The following HDAC9 variants were observed in gnomAD, a reference collection of about 807,000 sequenced individuals.
HDAC9 encodes MEF-2 interacting transcription repressor (MITR) protein.
HDAC9 carries 41 observed loss-of-function variants against 139.4 expected under a neutral mutation model. The observed-to-expected ratio is 0.29, with a 90% CI of 0.23 to 0.38. The LOEUF (loss-of-function observed/expected upper bound fraction) is 0.38. Ranked by LOEUF, HDAC9 falls within the 10% of genes least tolerant of loss-of-function variation. HDAC9 has a pLI of 1.00. For synonymous variants in HDAC9, 517 were observed against 476.2 expected (o/e 1.09, Z -1.12); for missense variants, 1,147 against 1,297.0 (o/e 0.88, Z 1.78).
intron 24 of HDAC9, among the ~76,000 whole-genome samples, chr7:18,965,967 T>C (rs1461864230): frequency 6.6e-6 from 1 of 152,214 alleles, no homozygotes; most frequent in Non-Finnish European, 1.5e-5. Flanking sequence ...TCTTGGTTTA[T>C]GTCTGTTGTC....
intron 12 of HDAC9, among the ~76,000 whole-genome samples, chr7:18,703,839 C>G (rs1020738340): frequency 4.6e-5 from 7 of 152,022 alleles, no homozygotes; most frequent in Admixed American, 4.6e-4. Context: ...CAAGTGTGAA[C>G]TGGGTTGGCT....
At chr7:18,777,339 TG>T (rs2129168731) in intron 16 of HDAC9, among the ~76,000 whole-genome samples, 1 of 3,976 alleles carries the variant, frequency 2.5e-4, no homozygotes, top group East Asian at 0.026. Context: ...CCTTTGCAAG[TG>T]GGTTGGTTTT....
chr7:18,763,070 T>G (rs1173382564), intron 15 of HDAC9, among the ~76,000 whole-genome samples: 7 of 152,182 alleles, frequency 4.6e-5, no homozygotes, highest in Non-Finnish European at 1.0e-4. Context: ...TTTAAATGTT[T>G]TAACTAAAAA....
At chr7:18,481,115 A>G (rs1795514825) in intron 1 of HDAC9, among the ~76,000 whole-genome samples, 1 of 152,160 alleles carries the variant, frequency 6.6e-6, no homozygotes, top group South Asian at 2.1e-4. Context: ...GCTTCTGGCC[A>G]AGCTGAGCTG....
chr7:18,256,399 T>C (rs1303457371), intron 2 of HDAC9, among the ~76,000 whole-genome samples: 1 of 152,190 alleles, frequency 6.6e-6, no homozygotes, highest in Non-Finnish European at 1.5e-5. Context: ...GATTGGATTT[T>C]AGAGGAGCTA....
At chr7:18,543,028 T>C (rs375691734) in intron 2 of HDAC9, 14 of 152,250 alleles carry the variant, frequency 9.2e-5, no homozygotes, top group African/African-American at 3.1e-4. Context: ...ATGGTAATTC[T>C]TAGTTCAAAA....
chr7:18,484,920 A>G (rs940892399), intron 1 of HDAC9, among the ~76,000 whole-genome samples: 1 of 152,120 alleles, frequency 6.6e-6, no homozygotes, highest in Non-Finnish European at 1.5e-5. Context: ...AAAATAACTA[A>G]ACTTGGGTTC....
rs1389906492 is a variant in HDAC9 at position 18,263,465 on chromosome 7, C to T, written c.25+101116C>T. Among the ~76,000 whole-genome samples, 4 of 152,200 alleles carry T rather than the reference C, an allele frequency of 2.6e-5. No homozygotes were observed. In the East Asian group the frequency reaches 5.8e-4, roughly 22 times the overall value. ...AACCAAACATTTACTGACTCAGGCA[C>T]CTATTCTTGATTTCTGTTCACCTGT... On this transcript the variant is annotated intron_variant, in intron 2 of 12. Coordinates refer to the HDAC9 transcript ENST00000417496.
intron 2 of HDAC9, among the ~76,000 whole-genome samples, chr7:18,283,581 T>C (rs2128221137): frequency 6.6e-6 from 1 of 152,296 alleles, no homozygotes; most frequent in Non-Finnish European, 1.5e-5. Context: ...GCATAATAGG[T>C]TGTGAGTACC....
At chr7:18,117,238 A>G (rs1370479682) in intron 1 of HDAC9, among the ~76,000 whole-genome samples, 1 of 152,144 alleles carries the variant, frequency 6.6e-6, no homozygotes, top group Non-Finnish European at 1.5e-5. Flanking sequence ...TATCAATCCA[A>G]TATGACTGGT....
At chr7:18,967,502 C>CG (rs1388286735) in intron 24 of HDAC9, among the ~76,000 whole-genome samples, 1 of 137,400 alleles carries the variant, frequency 7.3e-6, no homozygotes, top group Non-Finnish European at 1.5e-5. Context: ...AGTTGCCCCC[C>CG]CCCCAAAAAA....
At chr7:18,224,512 G>T (rs149342242) in intron 2 of HDAC9, among the ~76,000 whole-genome samples, 1 of 152,174 alleles carries the variant, frequency 6.6e-6, no homozygotes, top group East Asian at 1.9e-4. Context: ...ATTAACCTCC[G>T]CAAACAGGTT....
chr7:18,853,230 A>G (rs1031545717), intron 21 of HDAC9, among the ~76,000 whole-genome samples: 6 of 152,168 alleles, frequency 3.9e-5, no homozygotes, highest in Non-Finnish European at 5.9e-5. Flanking sequence ...TAGTCTCCTT[A>G]AAAATATTAA....
chr7:18,314,978 A>G (rs1189826853), intron 1 of HDAC9, among the ~76,000 whole-genome samples: 1 of 152,210 alleles, frequency 6.6e-6, no homozygotes, highest in Non-Finnish European at 1.5e-5. Flanking sequence ...TCTGTCTTCA[A>G]TGGTTCGCAG....
intron 2 of HDAC9, among the ~76,000 whole-genome samples, chr7:18,556,625 G>C (rs1309200693): frequency 6.6e-6 from 1 of 151,988 alleles, no homozygotes; most frequent in Admixed American, 6.5e-5. Flanking sequence ...GAAGTCAGCA[G>C]CCAAATGCCA....
intron 2 of HDAC9, among the ~76,000 whole-genome samples, chr7:18,241,320 A>G (rs1794174656): frequency 6.6e-6 from 1 of 152,198 alleles, no homozygotes. Flanking sequence ...CTTCTTGGAA[A>G]TGCTCCATTA....
intron 8 of HDAC9, among the ~76,000 whole-genome samples, chr7:18,639,955 G>A (rs1294331613): frequency 1.3e-5 from 2 of 151,898 alleles, no homozygotes; most frequent in Non-Finnish European, 2.9e-5. Context: ...GCCAGACTTC[G>A]TTTCACAAGT....
intron 13 of HDAC9, among the ~76,000 whole-genome samples, chr7:18,739,897 G>A (rs967950790): frequency 6.6e-6 from 1 of 152,202 alleles, no homozygotes; most frequent in African/African-American, 2.4e-5. Context: ...GAGGCAGTAG[G>A]CCTTGCTGAG....
intron 14 of HDAC9, among the ~76,000 whole-genome samples, chr7:18,759,037 G>C (rs777829657): frequency 6.6e-6 from 1 of 152,100 alleles, no homozygotes; most frequent in Non-Finnish European, 1.5e-5. Flanking sequence ...ATAAATCAAA[G>C]TGAAAACTTA....
Sources: gnomAD v4.1 joint callset for allele counts (sites outside exome capture counted in the v4.1 genomes callset) on GRCh38, gnomAD v4.1.1 for gene constraint, MANE v1.5 for transcripts, NCBI Gene and HGNC (gene_info 2026-07-23, HGNC 2026-07-21) for gene names.